Variants in COL21A1 observed in about 807,000 individuals in gnomAD.
COL21A1 encodes the protein collagen alpha-1(XXI) chain.
Under a neutral mutation model 137.9 loss-of-function variants are expected in COL21A1, and 149 were observed. The observed-to-expected ratio is 1.08, with a 90% confidence interval of 0.95 to 1.24. COL21A1 has a LOEUF of 1.24. COL21A1 is among the 50% of genes most tolerant of loss of function. The pLI, the probability that COL21A1 is intolerant of heterozygous loss-of-function variation, is 0.00. For missense variants in COL21A1, 1,167 were observed against 1,158.4 expected (o/e 1.01, Z -0.11); for synonymous variants, 456 against 391.5 (o/e 1.16, Z -1.95).
At position 56,173,406 on chromosome 6, in the gene COL21A1, GGGAAAGAAA is replaced by G. The variant is rs1777213989; in HGVS notation, c.641-2287_641-2279del. Among the ~76,000 whole-genome samples, 4 of 148,158 alleles carry G rather than the reference GGGAAAGAAA, an allele frequency of 2.7e-5. No individual in the cohort carries two copies. The South Asian group carries it at 8.7e-4, about 32-fold the overall frequency. On this transcript the variant is annotated intron_variant, in intron 3 of 29. Transcript: ENST00000244728. ...AAAGGAGAAGGGGAAGGGGAAGGAA[GGGAAAGAAA>G]GGGAAGGGAAGGGGGGAAAAGGGAA...
intron 9 of COL21A1, among the ~76,000 whole-genome samples, chr6:56,157,307 C>CTATTTTT (rs1775833209): frequency 1.1e-5 from 1 of 94,036 alleles, no homozygotes; most frequent in Non-Finnish European, 2.0e-5. Flanking sequence ...ACTCATAAGA[C>CTATTTTT]TTTTTTTTTT....
Position 56,121,487 on chromosome 6 carries a change from TAC to T in COL21A1, c.1758+2573_1758+2574del, listed in dbSNP as rs1391657505. On this transcript the variant is annotated intron_variant, in intron 16 of 29. Coordinates refer to ENST00000244728, the MANE Select transcript of COL21A1 (RefSeq NM_030820.4). The stretch of plus-strand genomic sequence containing the variant: ...TGTCATATGTATATATATATACATA[TAC>T]ATATATATGTATATTCATATGTGTA... Among the ~76,000 whole-genome samples the T allele has an allele frequency of 1.4e-3, 173 of 128,124 alleles. 1 individual carries two copies. Among genetic ancestry groups the T allele is most frequent in the African/African-American group, 4.5e-3 (161 of 35,538 alleles). 84.1% of individuals were successfully genotyped at this position (128,124 alleles called of 152,430 possible). A position where few individuals can be genotyped will look rare whatever the true frequency, so the allele number is the denominator to read the frequency against.
intron 17 of COL21A1, among the ~76,000 whole-genome samples, chr6:56,087,044 G>A (rs1768320565): frequency 6.6e-6 from 1 of 150,772 alleles, no homozygotes; most frequent in Non-Finnish European, 1.5e-5. Flanking sequence ...CATATCTTGG[G>A]ACCCTTGTCC....
In COL21A1 at chr6:56,101,482, C is replaced by A; in HGVS notation, c.1802G>T (p.Arg601Leu). 2 of 1,594,766 alleles carry A rather than the reference C, an allele frequency of 1.3e-6. No homozygotes were observed. ...TGAGAAGGTACTCACAGGCTCTCCC[C>A]GTGTTCCATCCTGCCCCGGAGCACC... ...SPGAPGQDGT[R>L]GEPGIPGFPG... The change falls in exon 17 of 30, where the codon CGG becomes CTG. Residue 601 changes from arginine to leucine, a missense_variant. By Grantham distance (102) the Arg-to-Leu change is moderately radical. Transcript: ENST00000244728.
At chr6:56,372,656 G>A (rs1367324306) in intron 1 of COL21A1, among the ~76,000 whole-genome samples, 1 of 152,278 alleles carries the variant, frequency 6.6e-6, no homozygotes, top group East Asian at 1.9e-4. Context: ...CTGGAGTGGG[G>A]GGAAAAAAGC....
chr6:56,065,041 TTAAAA>T (rs1390025099), intron 23 of COL21A1, among the ~76,000 whole-genome samples: 1 of 151,834 alleles, frequency 6.6e-6, no homozygotes, highest in East Asian at 1.9e-4. Flanking sequence ...TTTTTAAAAA[TTAAAA>T]TATACTGTCA....
intron 12 of COL21A1, among the ~76,000 whole-genome samples, chr6:56,133,411 G>C (rs550719266): frequency 6.6e-6 from 1 of 152,184 alleles, no homozygotes; most frequent in East Asian, 1.9e-4. Flanking sequence ...AGGCATTCAA[G>C]AGGTAACTTG....
chr6:56,138,359 A>G (rs1398981250), intron 12 of COL21A1, among the ~76,000 whole-genome samples: 1 of 150,916 alleles, frequency 6.6e-6, no homozygotes, highest in Non-Finnish European at 1.5e-5. Context: ...ATATATGTTT[A>G]TACTTCTTAA....
chr6:56,306,989 T>C (rs1374050919), intron 1 of COL21A1, among the ~76,000 whole-genome samples: 1 of 152,194 alleles, frequency 6.6e-6, no homozygotes, highest in African/African-American at 2.4e-5. Context: ...GGAGGTCCAC[T>C]CCACACCCTG....
chr6:56,170,674 A>T lies in COL21A1; in HGVS notation c.1001T>A (p.Val334Asp). 1 of 1,599,342 alleles carries T rather than the reference A, an allele frequency of 6.3e-7. No homozygotes were observed. ...CTTAACTTGAGGGTTAGCAAAGGTA[A>T]CCACTTGTGAGCCATTAATTACGCT... ...TTSVINGSQV[V>D]TFANPQVKTL... Residue 334 changes from valine to aspartate, a missense_variant, in exon 5 of 30, where the codon GTT becomes GAT. Physicochemically the swap from Val to Asp is radical, Grantham distance 152. Coordinates refer to ENST00000244728, the MANE Select transcript of COL21A1 (RefSeq NM_030820.4).
intron 1 of COL21A1, among the ~76,000 whole-genome samples, chr6:56,216,297 G>A (rs966349121): frequency 6.6e-6 from 1 of 152,006 alleles, no homozygotes; most frequent in Admixed American, 6.6e-5. Context: ...CTACAGAGAG[G>A]ACCAACATTA....
chr6:56,114,752 G>A (rs549629914), intron 16 of COL21A1, among the ~76,000 whole-genome samples: 2 of 148,796 alleles, frequency 1.3e-5, no homozygotes, highest in Non-Finnish European at 3.0e-5. Context: ...AACCATTGTG[G>A]AAGTCAGTGT....
chr6:56,289,390 A>G (rs1366117574), intron 1 of COL21A1, among the ~76,000 whole-genome samples: 4 of 152,202 alleles, frequency 2.6e-5, no homozygotes, highest in African/African-American at 9.6e-5. Flanking sequence ...ATATGTTGGC[A>G]AGCACTGAAC....
At chr6:56,123,300 GAAGTGTTGCCTC>G (rs1487300612) in intron 16 of COL21A1, among the ~76,000 whole-genome samples, 8 of 152,168 alleles carry the variant, frequency 5.3e-5, no homozygotes, top group Non-Finnish European at 1.0e-4. Context: ...ACTGTCTTAG[GAAGTGTTGCCTC>G]AAAGTATACT....
At chr6:56,328,486 A>G (rs1765149058) in intron 1 of COL21A1, among the ~76,000 whole-genome samples, 1 of 152,092 alleles carries the variant, frequency 6.6e-6, no homozygotes, top group African/African-American at 2.4e-5. Context: ...CAATTCATCA[A>G]CTATTCACTG....
chr6:56,171,072 T>C lies in COL21A1; in HGVS notation c.697A>G (p.Ile233Val), dbSNP rs762875794. The change falls in exon 4 of 30, where the codon ATT becomes GTT. Residue 233 changes from isoleucine (I) to valine (V), a missense_variant. By Grantham distance (29) the Ile-to-Val change is conservative (BLOSUM62 3). Transcript: ENST00000244728. ...VAARDERGFDILLGLDVNKKV... is the reference protein window; with the variant it reads ...VAARDERGFDVLLGLDVNKKV... ...TTATTTACATCTAAACCTAAAAGAA[T>C]ATCAAATCCCCTTTCATCACGAGCT... is the stretch of plus-strand genomic sequence containing the variant. 3 of 1,609,494 alleles carry C rather than the reference T, an allele frequency of 1.9e-6. No homozygotes were observed. The highest frequency in any genetic ancestry group is 1.7e-6 in the Non-Finnish European group (2 of 1,178,122).
chr6:56,095,661 G>T (rs1207252065), intron 17 of COL21A1, among the ~76,000 whole-genome samples: 1 of 152,076 alleles, frequency 6.6e-6, no homozygotes, highest in East Asian at 1.9e-4. Context: ...CTCAGAGTAT[G>T]CTTTCTTCTG....
At chr6:56,345,796 G>C (rs536548144) in intron 1 of COL21A1, among the ~76,000 whole-genome samples, 101 of 152,322 alleles carry the variant, frequency 6.6e-4, no homozygotes, top group Non-Finnish European at 1.2e-3. Context: ...ATTTCCAAGA[G>C]AGAATGAAGT....
At chr6:56,386,301 T>C (rs1237327840) in intron 1 of COL21A1, among the ~76,000 whole-genome samples, 1 of 152,234 alleles carries the variant, frequency 6.6e-6, no homozygotes, top group Non-Finnish European at 1.5e-5. Flanking sequence ...TGAAACATTA[T>C]GTTTATCCAT....
Sources: gnomAD v4.1 joint callset for allele counts (sites outside exome capture counted in the v4.1 genomes callset) on GRCh38, gnomAD v4.1.1 for gene constraint, MANE v1.5 for transcripts, NCBI Gene and HGNC (gene_info 2026-07-23, HGNC 2026-07-21) for gene names.